RBFOX1: variants seen among roughly 807,000 people sequenced by gnomAD.
RBFOX1 encodes the protein RNA binding protein fox-1 homolog 1.
A neutral mutation model predicts 57.7 loss-of-function variants in RBFOX1; 8 were observed. The ratio of observed to expected loss-of-function variants is 0.14; its 90% CI spans 0.08 to 0.25. The LOEUF (loss-of-function observed/expected upper bound fraction) is 0.25. Ranked by LOEUF, RBFOX1 falls within the 10% of genes least tolerant of loss-of-function variation. The pLI is 1.00. For missense variants in RBFOX1, 611 were observed against 548.5 expected (o/e 1.11, Z -1.14); for synonymous variants, 326 against 222.4 (o/e 1.47, Z -4.15).
chr16:6,174,993 G>A (rs2096992469), intron 1 of RBFOX1, among the ~76,000 whole-genome samples: 1 of 152,202 alleles, frequency 6.6e-6, no homozygotes. Flanking sequence ...AGGTGCTTAA[G>A]TCATCTCTCT....
intron 4 of RBFOX1, among the ~76,000 whole-genome samples, chr16:7,197,440 GA>G (rs57893229): frequency 0.2 from 18,548 of 91,258 alleles, 1,122 homozygotes; most frequent in Middle Eastern, 0.23. Context: ...CCTGTGAGTG[GA>G]AAAAAAAAAA....
intron 1 of RBFOX1, among the ~76,000 whole-genome samples, chr16:5,459,266 C>T (rs2068719852): frequency 6.6e-6 from 1 of 152,238 alleles, no homozygotes; most frequent in African/African-American, 2.4e-5. Context: ...AATCTCAGAT[C>T]AGCTGCTCCT....
At chr16:6,493,661 T>C (rs1204422677) in intron 2 of RBFOX1, among the ~76,000 whole-genome samples, 1 of 152,170 alleles carries the variant, frequency 6.6e-6, no homozygotes, top group Admixed American at 6.5e-5. Context: ...CAATTTGCTG[T>C]AAGGGCAGAT....
At chr16:7,401,140 C>A (rs1427108451) in intron 4 of RBFOX1, among the ~76,000 whole-genome samples, 1 of 152,182 alleles carries the variant, frequency 6.6e-6, no homozygotes. Flanking sequence ...TCCAGAAGAT[C>A]TAAGCTGCCT....
At chr16:6,995,225 G>C (rs576365645) in intron 3 of RBFOX1, among the ~76,000 whole-genome samples, 4 of 150,408 alleles carry the variant, frequency 2.7e-5, no homozygotes, top group South Asian at 2.1e-4. Flanking sequence ...CAATTAATTA[G>C]AGCATATGAT....
In RBFOX1 at chr16:5,322,666, A is replaced by C. The variant is rs188683448; in HGVS notation, c.219+82561A>C. ...TCCCCATCCTTCAAGGGTCAGCTCA[A>C]ATCCCGTGGTTCCTATGACACCTCC... is the stretch of plus-strand genomic sequence containing the variant. On this transcript the variant is annotated intron_variant, in intron 1 of 2. Coordinates refer to the RBFOX1 transcript ENST00000585867. Among the ~76,000 whole-genome samples the C allele has an allele frequency of 2.7e-4, 41 of 152,234 alleles. No homozygotes were observed. The East Asian group carries it at 5.8e-3, about 22-fold the overall frequency.
chr16:7,148,301 C>T (rs1411049491), intron 4 of RBFOX1, among the ~76,000 whole-genome samples: 1 of 152,144 alleles, frequency 6.6e-6, no homozygotes, highest in African/African-American at 2.4e-5. Context: ...AGGAGTTTTC[C>T]TTTCAATGTT....
chr16:5,258,980 C>G (rs905847390), intron 1 of RBFOX1, among the ~76,000 whole-genome samples: 30 of 152,052 alleles, frequency 2.0e-4, no homozygotes, highest in Non-Finnish European at 3.5e-4. Context: ...CATCTGGCCC[C>G]TGCTCCTTAA....
At chr16:6,014,183 T>A (rs952518969), upstream of RBFOX1, among the ~76,000 whole-genome samples, 1 of 152,184 alleles carries the variant, frequency 6.6e-6, no homozygotes, top group Admixed American at 6.5e-5. Context: ...GATGATACAA[T>A]CAAAGAGCTT....
intron 4 of RBFOX1, among the ~76,000 whole-genome samples, chr16:7,097,129 G>A (rs1026179764): frequency 2.6e-5 from 4 of 152,220 alleles, no homozygotes; most frequent in East Asian, 1.9e-4. Context: ...AAATGCAACC[G>A]CGAGAGAGGT....
At chr16:7,679,845 A>G (rs2146626008) in intron 14 of RBFOX1, among the ~76,000 whole-genome samples, 1 of 152,132 alleles carries the variant, frequency 6.6e-6, no homozygotes, top group East Asian at 1.9e-4. Context: ...TTTCCCCAAA[A>G]GAAAAATACC....
At chr16:7,316,837 G>C (rs1210461534) in intron 4 of RBFOX1, among the ~76,000 whole-genome samples, 1 of 151,858 alleles carries the variant, frequency 6.6e-6, no homozygotes, top group East Asian at 1.9e-4. Context: ...TAAGATGCTG[G>C]AAAAACAAAG....
intron 3 of RBFOX1, among the ~76,000 whole-genome samples, chr16:5,749,474 G>A (rs1055736579): frequency 6.6e-6 from 1 of 152,212 alleles, no homozygotes; most frequent in South Asian, 2.1e-4. Flanking sequence ...CCAACTTGGT[G>A]CCATTCTCCC....
chr16:7,459,056 A>G (rs572615461), intron 4 of RBFOX1, among the ~76,000 whole-genome samples: 19 of 152,068 alleles, frequency 1.2e-4, no homozygotes, highest in Middle Eastern at 3.2e-3. Flanking sequence ...TGGATGGATG[A>G]ATGCAATAGA....
intron 2 of RBFOX1, among the ~76,000 whole-genome samples, chr16:6,583,513 C>T (rs896246282): frequency 2.6e-5 from 4 of 152,328 alleles, no homozygotes; most frequent in Middle Eastern, 3.4e-3. Context: ...ACTTTATTAG[C>T]TTCCATTTTA....
intron 4 of RBFOX1, among the ~76,000 whole-genome samples, chr16:7,463,058 C>A (rs977094013): frequency 6.6e-6 from 1 of 152,164 alleles, no homozygotes; most frequent in African/African-American, 2.4e-5. Context: ...AACAGAAATT[C>A]ATTGCTCACA....
At chr16:7,115,446 G>A (rs563679554) in intron 4 of RBFOX1, among the ~76,000 whole-genome samples, 1 of 152,180 alleles carries the variant, frequency 6.6e-6, no homozygotes, top group East Asian at 1.9e-4. Context: ...CCACCTCATA[G>A]TTGCTGTGGA....
chr16:5,659,899 T>A (rs2049589672), intron 3 of RBFOX1, among the ~76,000 whole-genome samples: 2 of 152,144 alleles, frequency 1.3e-5, no homozygotes, highest in South Asian at 2.1e-4. Context: ...GAAATTATGG[T>A]GGTTATTAGG....
chr16:5,509,288 G>T (rs886378441), intron 2 of RBFOX1, among the ~76,000 whole-genome samples: 3 of 152,194 alleles, frequency 2.0e-5, no homozygotes, highest in African/African-American at 7.2e-5. Context: ...GCAAATCCAT[G>T]CAGGTGAAAT....
Sources: gnomAD v4.1 joint callset for allele counts (sites outside exome capture counted in the v4.1 genomes callset) on GRCh38, gnomAD v4.1.1 for gene constraint, MANE v1.5 for transcripts, NCBI Gene and HGNC (gene_info 2026-07-23, HGNC 2026-07-21) for gene names.